The following PIP5K1B variants were observed in gnomAD, a reference collection of about 807,000 sequenced individuals.
PIP5K1B encodes the protein phosphatidylinositol-4-phosphate 5-kinase type 1 beta.
PIP5K1B carries 42 observed loss-of-function variants against 67.0 expected under a neutral mutation model. The ratio of observed to expected loss-of-function variants is 0.63; its 90% confidence interval spans 0.49 to 0.81. The LOEUF (loss-of-function observed/expected upper bound fraction) is 0.81, where lower values mean the gene tolerates loss of function less well. Ranked by LOEUF, PIP5K1B falls within the 30% of genes least tolerant of loss-of-function variation. The pLI is 0.00. For synonymous variants in PIP5K1B, 214 were observed against 231.4 expected (o/e 0.92, Z 0.68); for missense variants, 459 against 646.3 (o/e 0.71, Z 3.14).
intron 2 of PIP5K1B, chr9:68,788,722 TG>T: frequency 3.8e-6 from 1 of 265,896 alleles, no homozygotes; most frequent in Non-Finnish European, 7.7e-6. Flanking sequence ...AGGACCCCTT[TG>T]GGCATCTGGC....
At chr9:68,905,203 C>T (rs1185691257) in intron 8 of PIP5K1B, among the ~76,000 whole-genome samples, 4 of 151,982 alleles carry the variant, frequency 2.6e-5, no homozygotes, top group Admixed American at 2.6e-4. Context: ...GGAAATGCCC[C>T]CAAGGACCCC....
At chr9:68,779,513 C>T (rs1245576020) in intron 2 of PIP5K1B, among the ~76,000 whole-genome samples, 1 of 152,152 alleles carries the variant, frequency 6.6e-6, no homozygotes, top group Non-Finnish European at 1.5e-5. Context: ...GCTGTTACAC[C>T]CATGCTTGAA....
intron 14 of PIP5K1B, among the ~76,000 whole-genome samples, chr9:68,966,984 TG>T (rs763219868): frequency 5.9e-5 from 9 of 152,210 alleles, no homozygotes; most frequent in Non-Finnish European, 1.0e-4. Context: ...TAACTATGAT[TG>T]ATTTATTATG....
chr9:68,948,455 A>C (rs144739978), intron 14 of PIP5K1B, among the ~76,000 whole-genome samples: 104 of 152,146 alleles, frequency 6.8e-4, no homozygotes, highest in African/African-American at 2.2e-3. Context: ...GCTTAGCAAG[A>C]CCTCATTTCT....
At chr9:68,979,426 G>A (rs926878478) in intron 14 of PIP5K1B, among the ~76,000 whole-genome samples, 4 of 149,954 alleles carry the variant, frequency 2.7e-5, no homozygotes, top group African/African-American at 9.8e-5. Flanking sequence ...TACATGTTGG[G>A]GTATGATATT....
chr9:68,764,658 G>T (rs1252545312), intron 2 of PIP5K1B, among the ~76,000 whole-genome samples: 1 of 151,990 alleles, frequency 6.6e-6, no homozygotes. Flanking sequence ...ACCAAGCATT[G>T]TAAGCTCAGA....
At chr9:68,994,583 G>A (rs917978123) in intron 15 of PIP5K1B, among the ~76,000 whole-genome samples, 3 of 152,084 alleles carry the variant, frequency 2.0e-5, no homozygotes, top group East Asian at 1.9e-4. Context: ...AAGCTCCATC[G>A]TACATCCATG....
intron 2 of PIP5K1B, among the ~76,000 whole-genome samples, chr9:68,753,942 G>A (rs1375096811): frequency 6.6e-6 from 1 of 152,080 alleles, no homozygotes; most frequent in African/African-American, 2.4e-5. Flanking sequence ...TTACAGGCGT[G>A]AGCTACCATG....
intron 2 of PIP5K1B, among the ~76,000 whole-genome samples, chr9:68,811,023 AC>A (rs1344152574): frequency 6.6e-6 from 1 of 152,068 alleles, no homozygotes; most frequent in Non-Finnish European, 1.5e-5. Context: ...ACTTGACTGG[AC>A]TCCAGGAAAA....
At chr9:68,713,933 C>G (rs1827513704) in intron 1 of PIP5K1B, among the ~76,000 whole-genome samples, 1 of 152,132 alleles carries the variant, frequency 6.6e-6, no homozygotes, top group Non-Finnish European at 1.5e-5. Context: ...AAAGGGAAAC[C>G]TAGTCAGGTT....
chr9:68,748,631 T>G (rs1433480657), intron 2 of PIP5K1B, among the ~76,000 whole-genome samples: 1 of 98,606 alleles, frequency 1.0e-5, no homozygotes, highest in East Asian at 2.5e-4. Context: ...TTTTTTTTTT[T>G]TTTGTTTGAG....
intron 1 of PIP5K1B, among the ~76,000 whole-genome samples, chr9:68,725,687 AG>A (rs1828116296): frequency 1.3e-5 from 2 of 152,126 alleles, no homozygotes; most frequent in South Asian, 4.2e-4. Context: ...GGATGAGGAG[AG>A]TGGCATGCTT....
At chr9:68,974,683 T>C (rs1276385638) in intron 14 of PIP5K1B, among the ~76,000 whole-genome samples, 4 of 152,246 alleles carry the variant, frequency 2.6e-5, no homozygotes, top group Non-Finnish European at 4.4e-5. Flanking sequence ...GAGAGAACTT[T>C]CCTGTCATTC....
chr9:68,969,821 A>G (rs975743653), intron 14 of PIP5K1B, among the ~76,000 whole-genome samples: 1 of 152,194 alleles, frequency 6.6e-6, no homozygotes, highest in Non-Finnish European at 1.5e-5. Flanking sequence ...TCAAATATAC[A>G]TTTGGAAACA....
At chr9:68,900,482 TAA>T (rs1480763437) in intron 8 of PIP5K1B, among the ~76,000 whole-genome samples, 3 of 152,238 alleles carry the variant, frequency 2.0e-5, no homozygotes, top group African/African-American at 4.8e-5. Flanking sequence ...TTCTCTGATA[TAA>T]GTTATCTATG....
intron 5 of PIP5K1B, among the ~76,000 whole-genome samples, chr9:68,868,398 T>G (rs1295903757): frequency 1.3e-5 from 2 of 152,238 alleles, no homozygotes; most frequent in East Asian, 3.8e-4. Flanking sequence ...ATATTAATTT[T>G]TATTATCTTT....
At chr9:68,948,802 C>T (rs1425615741) in intron 14 of PIP5K1B, among the ~76,000 whole-genome samples, 1 of 151,684 alleles carries the variant, frequency 6.6e-6, no homozygotes, top group East Asian at 1.9e-4. Flanking sequence ...TCCTTTTTGA[C>T]AAATTATAGA....
intron 2 of PIP5K1B, among the ~76,000 whole-genome samples, chr9:68,777,497 G>A (rs1830976453): frequency 6.6e-6 from 1 of 152,176 alleles, no homozygotes; most frequent in Non-Finnish European, 1.5e-5. Context: ...GAACAGTTAT[G>A]AAAGCCTCTC....
At chr9:68,977,140 T>C (rs1424984450) in intron 14 of PIP5K1B, among the ~76,000 whole-genome samples, 1 of 152,222 alleles carries the variant, frequency 6.6e-6, no homozygotes, top group African/African-American at 2.4e-5. Flanking sequence ...AGGGAACTAA[T>C]TATAATGTTA....
Sources: gnomAD v4.1 joint callset for allele counts (sites outside exome capture counted in the v4.1 genomes callset) on GRCh38, gnomAD v4.1.1 for gene constraint, MANE v1.5 for transcripts, NCBI Gene and HGNC (gene_info 2026-07-23, HGNC 2026-07-21) for gene names.